MAF: variants seen among roughly 807,000 people sequenced by gnomAD.
MAF encodes the protein MAF bZIP transcription factor, also known as transcription factor Maf.
Under a neutral mutation model 22.0 loss-of-function variants are expected in MAF, and 10 were observed. That is an observed-to-expected ratio of 0.45 (90% CI 0.28 to 0.77). The LOEUF (loss-of-function observed/expected upper bound fraction) is 0.77, where lower values mean the gene tolerates loss of function less well. Ranked by LOEUF, MAF falls within the 30% of genes least tolerant of loss-of-function variation. MAF has a pLI of 0.12. For synonymous variants in MAF, 337 were observed against 255.8 expected (o/e 1.32, Z -3.03); for missense variants, 544 against 548.4 (o/e 0.99, Z 0.08).
the MAF span, among the ~76,000 whole-genome samples, chr16:79,356,896 G>A: frequency 6.6e-6 from 1 of 152,148 alleles, no homozygotes; most frequent in African/African-American, 2.4e-5. Context: ...GGTGAATGTA[G>A]TCCAGGCTGG....
At chr16:79,268,264 C>G in the MAF span, among the ~76,000 whole-genome samples, 1 of 152,224 alleles carries the variant, frequency 6.6e-6, no homozygotes, top group East Asian at 1.9e-4. Context: ...CCATACCATG[C>G]AAGAAAAATG....
the MAF span, among the ~76,000 whole-genome samples, chr16:79,221,789 C>T: frequency 1.3e-5 from 2 of 151,880 alleles, no homozygotes; most frequent in Non-Finnish European, 2.9e-5. Flanking sequence ...GTGTAGATAT[C>T]AGGAGTTTCA....
chr16:79,337,136 T>G, the MAF span, among the ~76,000 whole-genome samples: 2 of 152,186 alleles, frequency 1.3e-5, no homozygotes, highest in African/African-American at 4.8e-5. Context: ...ACTGGAAATA[T>G]TTGTTAAGAC....
downstream of MAF, among the ~76,000 whole-genome samples, chr16:79,584,922 C>T (rs555287977): frequency 1.3e-5 from 2 of 152,162 alleles, no homozygotes; most frequent in African/African-American, 4.8e-5. Context: ...TATGTTTTTC[C>T]AACACTCTCA....
At chr16:79,439,305 A>C in the MAF span, among the ~76,000 whole-genome samples, 2 of 124,968 alleles carry the variant, frequency 1.6e-5, no homozygotes, top group Non-Finnish European at 3.2e-5. Flanking sequence ...TCTGCCACCC[A>C]GGCTGGAGTG....
At chr16:79,575,022 ATT>A in the MAF span, among the ~76,000 whole-genome samples, 3 of 143,608 alleles carry the variant, frequency 2.1e-5, no homozygotes, top group Non-Finnish European at 3.0e-5. Context: ...ATCACTGGGA[ATT>A]TTTTTTTTTT....
the MAF span, among the ~76,000 whole-genome samples, chr16:79,527,987 C>T: frequency 0.31 from 46,594 of 151,910 alleles, 7,980 homozygotes; most frequent in East Asian, 0.47. Flanking sequence ...ACTAAAAATG[C>T]AAAAAATTAG....
At chr16:79,520,555 T>C in the MAF span, among the ~76,000 whole-genome samples, 2 of 152,092 alleles carry the variant, frequency 1.3e-5, no homozygotes, top group African/African-American at 4.8e-5. Flanking sequence ...CATAAATAAA[T>C]ATGGCTTCTC....
chr16:79,339,070 T>A, the MAF span, among the ~76,000 whole-genome samples: 1 of 151,958 alleles, frequency 6.6e-6, no homozygotes, highest in Non-Finnish European at 1.5e-5. Flanking sequence ...TTTTATTTTT[T>A]AATTTATTTT....
the MAF span, among the ~76,000 whole-genome samples, chr16:79,413,419 T>TTTA: frequency 6.9e-6 from 1 of 145,112 alleles, no homozygotes; most frequent in Non-Finnish European, 1.5e-5. Flanking sequence ...AATTTTTTTT[T>TTTA]TATTTTTAGT....
At chr16:79,536,181 T>C in the MAF span, among the ~76,000 whole-genome samples, 2 of 152,232 alleles carry the variant, frequency 1.3e-5, no homozygotes, top group South Asian at 2.1e-4. Flanking sequence ...GTCAACCTAC[T>C]TTTCATAAAA....
the MAF span, among the ~76,000 whole-genome samples, chr16:79,238,959 G>C: frequency 6.6e-6 from 1 of 151,834 alleles, no homozygotes; most frequent in Non-Finnish European, 1.5e-5. Context: ...AGGACTCCAG[G>C]GAGACGCAGT....
chr16:79,597,891 T>C (rs1330771489), intron 1 of MAF: 1 of 1,035,602 alleles, frequency 9.7e-7, no homozygotes, highest in Non-Finnish European at 1.2e-6. Context: ...GCAAGCATAA[T>C]AATGCATGAG....
chr16:79,241,454 T>C, the MAF span, among the ~76,000 whole-genome samples: 1 of 151,982 alleles, frequency 6.6e-6, no homozygotes, highest in African/African-American at 2.4e-5. Context: ...ATACTGAAGA[T>C]TAACTTACTG....
the MAF span, among the ~76,000 whole-genome samples, chr16:79,209,806 C>T: frequency 2.6e-5 from 4 of 152,106 alleles, no homozygotes; most frequent in African/African-American, 9.7e-5. Flanking sequence ...CCAGATAAAC[C>T]CCTTGAAGTT....
chr16:79,295,030 T>A, the MAF span, among the ~76,000 whole-genome samples: 2 of 134,126 alleles, frequency 1.5e-5, no homozygotes, highest in African/African-American at 5.7e-5. Flanking sequence ...AAAAGGTTGT[T>A]AATAATGCTA....
the MAF span, among the ~76,000 whole-genome samples, chr16:79,450,634 G>C: frequency 5.3e-5 from 8 of 152,118 alleles, no homozygotes; most frequent in African/African-American, 1.9e-4. Flanking sequence ...GTGAGAAAAT[G>C]TGGTTTTTAT....
chr16:79,394,641 G>C, the MAF span, among the ~76,000 whole-genome samples: 2 of 152,108 alleles, frequency 1.3e-5, no homozygotes, highest in Non-Finnish European at 2.9e-5. Flanking sequence ...TGGAGGATTT[G>C]GGCAGGAGAA....
At chr16:79,353,807 A>C in the MAF span, among the ~76,000 whole-genome samples, 1 of 152,124 alleles carries the variant, frequency 6.6e-6, no homozygotes, top group Non-Finnish European at 1.5e-5. Context: ...GAAAAAAGAA[A>C]AGCAGATCTC....
Sources: allele counts gnomAD v4.1 joint callset (sites outside exome capture counted in the v4.1 genomes callset), GRCh38; gene constraint gnomAD v4.1.1; transcripts MANE v1.5; gene names NCBI Gene and HGNC (gene_info 2026-07-23, HGNC 2026-07-21).